ZNF148: variants seen among roughly 807,000 people sequenced by gnomAD.
ZNF148 encodes Beta-Enolase Repressor Factor-1.
Under a neutral mutation model 67.7 loss-of-function variants are expected in ZNF148, and 7 were observed. The ratio of observed to expected loss-of-function variants is 0.10; its 90% CI spans 0.06 to 0.19. The LOEUF (loss-of-function observed/expected upper bound fraction) is 0.19. Ranked by LOEUF, ZNF148 falls within the 10% of genes least tolerant of loss-of-function variation. The probability of loss-of-function intolerance (pLI) is 1.00; values close to 1 mark genes in which losing one functional copy is unlikely to be tolerated. For missense variants in ZNF148, 583 were observed against 947.1 expected (o/e 0.62, Z 5.05); for synonymous variants, 333 against 330.7 (o/e 1.01, Z -0.08).
chr3:125,253,979 T>C (rs968727393), intron 7 of ZNF148, among the ~76,000 whole-genome samples: 3 of 152,142 alleles, frequency 2.0e-5, no homozygotes, highest in African/African-American at 4.8e-5. Context: ...AGAGTAAGAC[T>C]AGCATTATTT....
intron 1 of ZNF148, among the ~76,000 whole-genome samples, chr3:125,331,983 T>TA (rs1163654369): frequency 4.6e-5 from 7 of 152,154 alleles, no homozygotes; most frequent in African/African-American, 1.7e-4. Flanking sequence ...AAACAATAGA[T>TA]AAAGCATTTT....
intron 5 of ZNF148, among the ~76,000 whole-genome samples, chr3:125,281,207 A>T (rs1231671474): frequency 6.6e-6 from 1 of 152,194 alleles, no homozygotes; most frequent in Non-Finnish European, 1.5e-5. Flanking sequence ...TGGCAGGAGA[A>T]TGGAAGTGGG....
At chr3:125,242,887 G>A (rs756075142) in intron 7 of ZNF148, among the ~76,000 whole-genome samples, 1 of 152,132 alleles carries the variant, frequency 6.6e-6, no homozygotes, top group African/African-American at 2.4e-5. Context: ...CTGTTCATAA[G>A]CCAGAACCAA....
chr3:125,306,573 A>C (rs756221222), intron 4 of ZNF148, among the ~76,000 whole-genome samples: 12 of 152,214 alleles, frequency 7.9e-5, no homozygotes, highest in Non-Finnish European at 1.8e-4. Flanking sequence ...TGAATAGCCT[A>C]CTTATGTTTT....
At chr3:125,373,716 G>A (rs1221466226) in intron 1 of ZNF148, among the ~76,000 whole-genome samples, 1 of 152,156 alleles carries the variant, frequency 6.6e-6, no homozygotes, top group Non-Finnish European at 1.5e-5. Context: ...CATCATGCCT[G>A]AATGAGAGTA....
At chr3:125,298,992 T>C in intron 4 of ZNF148, among the ~76,000 whole-genome samples, 1 of 152,216 alleles carries the variant, frequency 6.6e-6, no homozygotes, top group Non-Finnish European at 1.5e-5. Flanking sequence ...TGTTTCTTTA[T>C]AAATGTAAAA....
At position 125,230,270 on chromosome 3, in the gene ZNF148, C is replaced by A. The variant is rs531526854; in HGVS notation, c.*2071G>T. On this transcript the variant is annotated 3_prime_UTR_variant, in exon 9 of 9. Transcript: ENST00000360647. The stretch of plus-strand genomic sequence containing the variant: ...CTACTCTCACCAAAAGAGAAAAATA[C>A]CAATGCCTATTTAGGGTGAGCACAG... 2.0e-5 allele frequency: 3 copies of A among 152,658 alleles called. No individual in the cohort carries two copies. The highest frequency in any genetic ancestry group is 2.0e-4 in the Admixed American group (3 of 15,274). 9.5% of individuals were successfully genotyped at this position (152,658 alleles called of 1,614,324 possible).
intron 4 of ZNF148, among the ~76,000 whole-genome samples, chr3:125,295,452 C>CA (rs547952369): frequency 0.34 from 44,092 of 130,018 alleles, 6,873 homozygotes; most frequent in Middle Eastern, 0.44. Context: ...GACTCCATCT[C>CA]AAAAAAAAAA....
chr3:125,291,253 T>G (rs1336904913), intron 4 of ZNF148, among the ~76,000 whole-genome samples: 1 of 152,158 alleles, frequency 6.6e-6, no homozygotes, highest in Non-Finnish European at 1.5e-5. Flanking sequence ...CATCTCCCAA[T>G]GTATTCTTCT....
chr3:125,342,680 G>C (rs1015325692), intron 1 of ZNF148, among the ~76,000 whole-genome samples: 1 of 151,196 alleles, frequency 6.6e-6, no homozygotes, highest in Non-Finnish European at 1.5e-5. Flanking sequence ...TTTTTAAAAA[G>C]GAATGTTGAA....
At chr3:125,288,266 A>G in intron 4 of ZNF148, 38 bp from the exon 5 acceptor site, 1 of 1,572,894 alleles carries the variant, frequency 6.4e-7, no homozygotes, top group South Asian at 1.2e-5. Flanking sequence ...AGACATAAAT[A>G]AAAAGTTCAT....
intron 4 of ZNF148, among the ~76,000 whole-genome samples, chr3:125,312,419 A>G (rs1218630140): frequency 6.6e-6 from 1 of 152,218 alleles, no homozygotes; most frequent in Non-Finnish European, 1.5e-5. Context: ...ATGTGCCAAC[A>G]CCTGGACTAC....
chr3:125,258,606 G>C (rs1341025707), intron 7 of ZNF148, among the ~76,000 whole-genome samples: 1 of 151,922 alleles, frequency 6.6e-6, no homozygotes, highest in Non-Finnish European at 1.5e-5. Context: ...GCATGAATCT[G>C]AAAATTAGTA....
chr3:125,296,843 G>A (rs896224091), intron 4 of ZNF148, among the ~76,000 whole-genome samples: 4 of 151,694 alleles, frequency 2.6e-5, no homozygotes, highest in African/African-American at 9.7e-5. Flanking sequence ...CATGGTTTAA[G>A]GTAAAGTAAT....
intron 1 of ZNF148, among the ~76,000 whole-genome samples, chr3:125,369,414 C>A: frequency 7.2e-6 from 1 of 138,152 alleles, no homozygotes; most frequent in Non-Finnish European, 1.5e-5. Context: ...AAAAGTGTGC[C>A]TCTTGAAGGG....
intron 1 of ZNF148, among the ~76,000 whole-genome samples, chr3:125,359,898 T>C (rs1353590178): frequency 2.6e-5 from 4 of 152,148 alleles, no homozygotes; most frequent in African/African-American, 4.8e-5. Flanking sequence ...ACCATGCAGC[T>C]CCACGCCGCT....
intron 1 of ZNF148, among the ~76,000 whole-genome samples, chr3:125,341,624 CAAAT>C (rs771627401): frequency 3.6e-4 from 54 of 151,790 alleles, no homozygotes; most frequent in African/African-American, 6.5e-4. Flanking sequence ...AATAAATAAG[CAAAT>C]AAATAAAAAC....
At chr3:125,253,428 TCTTTA>T (rs1936932036) in intron 7 of ZNF148, among the ~76,000 whole-genome samples, 2 of 152,204 alleles carry the variant, frequency 1.3e-5, no homozygotes, top group South Asian at 2.1e-4. Context: ...TTTCCTTCTT[TCTTTA>T]CTTTTTTTTT....
At chr3:125,267,837 T>C (rs1253790984) in intron 7 of ZNF148, among the ~76,000 whole-genome samples, 1 of 152,162 alleles carries the variant, frequency 6.6e-6, no homozygotes, top group Non-Finnish European at 1.5e-5. Context: ...CCCTAAAGAC[T>C]CTGCCAAAAG....
Sources: gnomAD v4.1 joint callset for allele counts (sites outside exome capture counted in the v4.1 genomes callset) on GRCh38, gnomAD v4.1.1 for gene constraint, MANE v1.5 for transcripts, NCBI Gene and HGNC (gene_info 2026-07-23, HGNC 2026-07-21) for gene names.